Variants in ATF7IP2 observed in about 807,000 individuals in gnomAD.
ATF7IP2 encodes the protein activating transcription factor 7 interacting protein 2.
ATF7IP2 carries 42 observed loss-of-function variants against 64.2 expected under a neutral mutation model. That is an observed-to-expected ratio of 0.65 (90% CI 0.51 to 0.85). The LOEUF is 0.85. Among genes scored for constraint, ATF7IP2 ranks in the 40% least tolerant of loss-of-function variants. The pLI is 0.00. For missense variants in ATF7IP2, 933 were observed against 784.2 expected, an observed-to-expected ratio of 1.19 and a Z score of -2.27; for synonymous variants, 308 against 272.8, an observed-to-expected ratio of 1.13 and a Z score of -1.27.
At chr16:10,465,930 T>C (rs2049553185) in intron 9 of ATF7IP2, among the ~76,000 whole-genome samples, 1 of 152,172 alleles carries the variant, frequency 6.6e-6, no homozygotes. Flanking sequence ...ACATGTAATA[T>C]CTACTAAAAG....
intron 1 of ATF7IP2, among the ~76,000 whole-genome samples, chr16:10,406,913 G>A (rs887446659): frequency 1.3e-5 from 2 of 151,978 alleles, no homozygotes; most frequent in African/African-American, 4.8e-5. Flanking sequence ...CATTCCATGA[G>A]GTTACCCAAT....
At chr16:10,403,403 TAG>T (rs776400065) in intron 1 of ATF7IP2, among the ~76,000 whole-genome samples, 2 of 152,074 alleles carry the variant, frequency 1.3e-5, no homozygotes, top group African/African-American at 4.8e-5. Context: ...AAGGAAATAA[TAG>T]AGTTTTCACC....
intron 8 of ATF7IP2, among the ~76,000 whole-genome samples, chr16:10,441,148 C>A (rs2048606870): frequency 6.6e-6 from 1 of 152,144 alleles, no homozygotes; most frequent in Non-Finnish European, 1.5e-5. Context: ...TCCAGTCTAT[C>A]ATTGACGGGG....
intron 1 of ATF7IP2, among the ~76,000 whole-genome samples, chr16:10,408,025 C>G (rs1425744336): frequency 6.6e-6 from 1 of 152,030 alleles, no homozygotes; most frequent in Non-Finnish European, 1.5e-5. Flanking sequence ...GATTCTCCAG[C>G]CTCAGCCTCC....
chr16:10,427,468 T>G (rs2048107334), intron 3 of ATF7IP2, among the ~76,000 whole-genome samples: 1 of 152,216 alleles, frequency 6.6e-6, no homozygotes. Context: ...TTGGTTTTCT[T>G]GAAAAGTTGA....
chr16:10,399,535 T>A (rs1303802230), intron 1 of ATF7IP2, among the ~76,000 whole-genome samples: 1 of 152,226 alleles, frequency 6.6e-6, no homozygotes, highest in Non-Finnish European at 1.5e-5. Context: ...TCTGTTCAGT[T>A]GATCTGTATG....
Position 10,452,730 on chromosome 16 carries a change from T to TG in ATF7IP2, c.1195-4636dup, listed in dbSNP as rs151241297. On this transcript the variant is annotated intron_variant, in intron 8 of 13. Transcript: ENST00000562102. ...CCTCAGGTGCTCTGTCCCAGGGAGATGGGGGGTTTATCTATAAGCCCCTGC... is the reference window on the plus strand; with the variant it reads ...CCTCAGGTGCTCTGTCCCAGGGAGATGGGGGGGTTTATCTATAAGCCCCTGC... Among the ~76,000 whole-genome samples, 250 of 152,230 alleles carry TG rather than the reference T, an allele frequency of 1.6e-3. 4 individuals carry two copies. The East Asian group carries it at 0.043, about 26-fold the overall frequency.
In ATF7IP2 at chr16:10,482,275, T is replaced by C; in HGVS notation, c.*26T>C. ...AAGGTGTTTAATAATGATATACTACTTTTTTTTTCATATTTGTTTGTTTGC... is the reference window on the plus strand; with the variant it reads ...AAGGTGTTTAATAATGATATACTACCTTTTTTTTCATATTTGTTTGTTTGC... On this transcript the variant is annotated 3_prime_UTR_variant, in exon 14 of 14. Coordinates refer to ENST00000562102, the MANE Select transcript of ATF7IP2 (RefSeq NM_001393719.1). The C allele has an allele frequency of 1.4e-6, 2 of 1,398,410 alleles. No individual in the cohort carries two copies. Among genetic ancestry groups the C allele is most frequent in the Middle Eastern group, 1.9e-4 (1 of 5,286 alleles). 86.6% of individuals were successfully genotyped at this position (1,398,410 alleles called of 1,614,324 possible).
In ATF7IP2 at chr16:10,480,892, C is replaced by T. The variant is rs755329996; in HGVS notation, c.1563C>T (p.Ser521=). The change falls in exon 13 of 14, where the codon TCC becomes TCT. Residue 521 remains serine (S), a synonymous_variant. Transcript: ENST00000562102. ...LSNCNTESPV[S]PLESHSKAAS... is the part of the protein sequence containing the mutation. ...TGTTGTTCACAGAAAGTCCAGTATCCCCCCTGGAGTCACATTCGAAAGCTG... is the reference window on the plus strand; with the variant it reads ...TGTTGTTCACAGAAAGTCCAGTATCTCCCCTGGAGTCACATTCGAAAGCTG... 2 of 1,610,224 alleles carry T rather than the reference C, an allele frequency of 1.2e-6. No individual in the cohort carries two copies. Among genetic ancestry groups the T allele is most frequent in the East Asian group, 2.2e-5 (1 of 44,832 alleles).
chr16:10,474,064 T>A (rs993998426), intron 12 of ATF7IP2, 75 bp downstream of exon 12: 2 of 1,007,098 alleles, frequency 2.0e-6, no homozygotes, highest in Non-Finnish European at 3.0e-6. Context: ...TGGGTCTACT[T>A]ATGAAGTTTG....
intron 1 of ATF7IP2, among the ~76,000 whole-genome samples, chr16:10,390,495 G>A (rs2047300592): frequency 6.6e-6 from 1 of 152,132 alleles, no homozygotes; most frequent in Admixed American, 6.6e-5. Context: ...AGAAAAAAAG[G>A]TAATAGGCTG....
chr16:10,445,830 T>G (rs2048785398), intron 8 of ATF7IP2: 1 of 152,170 alleles, frequency 6.6e-6, no homozygotes, highest in Non-Finnish European at 1.5e-5. Flanking sequence ...AATACATGGG[T>G]GATTAACTCT....
At chr16:10,443,032 G>A (rs1224010895) in intron 8 of ATF7IP2, among the ~76,000 whole-genome samples, 1 of 152,142 alleles carries the variant, frequency 6.6e-6, no homozygotes, top group Non-Finnish European at 1.5e-5. Flanking sequence ...TTATGGTGGT[G>A]TTTTTCCTTT....
intron 2 of ATF7IP2, among the ~76,000 whole-genome samples, chr16:10,417,671 T>C (rs2047907007): frequency 6.6e-6 from 1 of 152,164 alleles, no homozygotes; most frequent in African/African-American, 2.4e-5. Context: ...ATTGATAATC[T>C]GGTCCTAAAA....
chr16:10,476,008 A>C (rs551456098), intron 12 of ATF7IP2, among the ~76,000 whole-genome samples: 40 of 152,344 alleles, frequency 2.6e-4, no homozygotes, highest in African/African-American at 9.4e-4. Context: ...TAATTTGCCA[A>C]GGGCCAGTTG....
At position 10,482,528 on chromosome 16, in the gene ATF7IP2, G is replaced by T. The variant is rs2050274826; in HGVS notation, c.*279G>T. The T allele has an allele frequency of 4.4e-6, 1 of 229,504 alleles. No individual in the cohort carries two copies. The highest frequency in any genetic ancestry group is 8.4e-6 in the Non-Finnish European group (1 of 119,216). 14.2% of individuals were successfully genotyped at this position (229,504 alleles called of 1,614,324 possible). ...TACCTTTAGTGACTGTGGAACTGCT[G>T]CTTCTATCAGAAGACCTAGGATACA... On this transcript the variant is annotated 3_prime_UTR_variant, in exon 14 of 14. Coordinates refer to ENST00000562102, the MANE Select transcript of ATF7IP2 (RefSeq NM_001393719.1).
chr16:10,440,869 T>G (rs1045761082), intron 8 of ATF7IP2, among the ~76,000 whole-genome samples: 2 of 152,170 alleles, frequency 1.3e-5, no homozygotes, highest in Admixed American at 1.3e-4. Context: ...TCATCTACAT[T>G]AGGTATTTCT....
chr16:10,445,157 C>T (rs1444382509), intron 8 of ATF7IP2, among the ~76,000 whole-genome samples: 1 of 152,206 alleles, frequency 6.6e-6, no homozygotes, highest in Non-Finnish European at 1.5e-5. Context: ...AACTGCATCA[C>T]ACATAGCTTG....
At chr16:10,397,526 C>T (rs1433814989) in intron 1 of ATF7IP2, among the ~76,000 whole-genome samples, 1 of 152,146 alleles carries the variant, frequency 6.6e-6, no homozygotes, top group Non-Finnish European at 1.5e-5. Flanking sequence ...TTTGAGGTTA[C>T]AGTGAGCTGT....
Sources: allele counts gnomAD v4.1 joint callset (sites outside exome capture counted in the v4.1 genomes callset), GRCh38; gene constraint gnomAD v4.1.1; transcripts MANE v1.5; gene names NCBI Gene and HGNC (gene_info 2026-07-23, HGNC 2026-07-21).